The following OR7G1 variants were observed in gnomAD, a reference collection of about 807,000 sequenced individuals.
The protein encoded by OR7G1 is olfactory receptor family 7 subfamily G member 1, also known as olfactory receptor 7G1.
For missense variants in OR7G1, 385 were observed against 365.6 expected, an observed-to-expected ratio of 1.05 and a Z score of -0.43; for synonymous variants, 142 against 138.5, an observed-to-expected ratio of 1.02 and a Z score of -0.18.
In OR7G1 at chr19:9,115,359, G is replaced by A. The variant is rs756099833; in HGVS notation, c.405C>T (p.Leu135=). The stretch of plus-strand genomic sequence containing the variant: ...GCAAGCCCCAGAAATGGACATTCAT[G>A]AGGACTGTGTACCTCAGTGGGTGGC... ...AICHPLRYTV[L]MNVHFWGLLI... Residue 135 remains leucine (L), a synonymous_variant, in exon 1 of 1, where the codon CTC becomes CTT. Transcript: ENST00000541538. 7 of 1,614,084 alleles carry A rather than the reference G, an allele frequency of 4.3e-6. No homozygotes were observed. The highest frequency in any genetic ancestry group is 5.9e-6 in the Non-Finnish European group (7 of 1,180,054).
At position 9,115,260 on chromosome 19, in the gene OR7G1, G is replaced by T; in HGVS notation, c.504C>A (p.Phe168Leu). 1 of 1,614,018 alleles carries T rather than the reference G, an allele frequency of 6.2e-7. No individual in the cohort carries two copies. The highest frequency in any genetic ancestry group is 1.1e-5 in the South Asian group (1 of 91,080). Residue 168 changes from phenylalanine to leucine, a missense_variant, in exon 1 of 1, where the codon TTC becomes TTA. By Grantham distance (22) the Phe-to-Leu change is conservative. Transcript: ENST00000541538. The part of the protein sequence containing the change: ...VQSLMVLQLS[F>L]CKNVEIPLFF... ...ACAAAGGGATTTCAACGTTTTTGCAGAAGGACAGCTGCAATACCATCAGAC... is the reference window on the plus strand; with the variant it reads ...ACAAAGGGATTTCAACGTTTTTGCATAAGGACAGCTGCAATACCATCAGAC...
chr19:9,115,686 G>C lies in OR7G1; in HGVS notation c.78C>G (p.Ile26Met), dbSNP rs761369127. 1.9e-6 allele frequency: 3 copies of C among 1,607,134 alleles called. No homozygotes were observed. Among genetic ancestry groups the C allele is most frequent in the Non-Finnish European group, 2.6e-6 (3 of 1,175,958 alleles). ...KVTEDPELKLIPFSLFLSMYL... is the reference protein window; with the variant it reads ...KVTEDPELKLMPFSLFLSMYL... ...ACATGGACAGGAACAGGCTGAAAGG[G>C]ATTAACTTCAGTTCTGGGTCCTCTG... Residue 26 changes from isoleucine (I) to methionine (M), a missense_variant, in exon 1 of 1, where the codon ATC (isoleucine) becomes ATG (methionine). Ile to Met is a conservative substitution (Grantham distance 10, BLOSUM62 1). Coordinates refer to ENST00000541538, the MANE Select transcript of OR7G1 (RefSeq NM_001005192.2).
chr19:9,115,152 A>G lies in OR7G1; in HGVS notation c.612T>C (p.Ser204=). ...CAGAGAGAGGAATTGCACCAAATAC[A>G]CTACTTGCAAAATATATGAGGATGT... is the stretch of plus-strand genomic sequence containing the variant. ...INNILIYFAS[S]VFGAIPLSGI... Residue 204 remains serine (S), a synonymous_variant, in exon 1 of 1, where the codon AGT becomes AGC. Transcript: ENST00000541538. 1 of 1,614,008 alleles carries G rather than the reference A, an allele frequency of 6.2e-7. No individual in the cohort carries two copies. Among genetic ancestry groups the G allele is most frequent in the Non-Finnish European group, 8.5e-7 (1 of 1,179,884 alleles).
In OR7G1 at chr19:9,115,465, T is replaced by G; in HGVS notation, c.299A>C (p.Gln100Pro). 1 of 1,614,080 alleles carries G rather than the reference T, an allele frequency of 6.2e-7. No individual in the cohort carries two copies. Among genetic ancestry groups the G allele is most frequent in the African/African-American group, 1.3e-5 (1 of 74,954 alleles). Residue 100 changes from glutamine (Q) to proline (P), a missense_variant, in exon 1 of 1, where the codon CAG becomes CCG. Transcript: ENST00000541538. ...AGCAAAAACCAAGACAAGACAGATC[T>G]GGGTGAGGCAGCCTGTGTAAGTGAT... ...QSITYTGCLT[Q>P]ICLVLVFAGL...
Position 9,115,534 on chromosome 19 carries a change from G to T in OR7G1, c.230C>A (p.Thr77Lys). The stretch of plus-strand genomic sequence containing the variant: ...GATGTTCACTAGGATCTTTGGGACT[G>T]TGGTTGTGGTTAAACAGATGTCAGT... ...SFTDICLTTT[T>K]VPKILVNIQA... is the part of the protein sequence containing the mutation. The change falls in exon 1 of 1, where the codon ACA becomes AAA. Residue 77 changes from threonine to lysine, a missense_variant. Thr to Lys is a moderately conservative substitution (Grantham distance 78). Transcript: ENST00000541538. The T allele has an allele frequency of 6.2e-7, 1 of 1,614,048 alleles. No individual in the cohort carries two copies.
Position 9,115,380 on chromosome 19 carries a change from G to T in OR7G1, c.384C>A (p.His128Gln). The T allele has an allele frequency of 6.2e-7, 1 of 1,614,152 alleles. No individual in the cohort carries two copies. The highest frequency in any genetic ancestry group is 1.1e-5 in the South Asian group (1 of 91,076). Residue 128 changes from histidine (H) to glutamine (Q), a missense_variant, in exon 1 of 1, where the codon CAC becomes CAA. Transcript: ENST00000541538. ...MAYDRYVAIC[H>Q]PLRYTVLMNV... ...TCATGAGGACTGTGTACCTCAGTGGGTGGCAAATGGCCACATAGCGGTCGT... is the reference window on the plus strand; with the variant it reads ...TCATGAGGACTGTGTACCTCAGTGGTTGGCAAATGGCCACATAGCGGTCGT...
rs1244004770 is a variant in OR7G1, at chr19:9,115,200, G to A, written c.564C>T (p.Ala188=). The A allele has an allele frequency of 1.2e-6, 2 of 1,614,146 alleles. No individual in the cohort carries two copies. Among genetic ancestry groups the A allele is most frequent in the Non-Finnish European group, 1.7e-6 (2 of 1,180,008 alleles). Reference sequence around the variant, plus strand: ...TGTTGTTGATGAGGGTGTCAGAACAGGCGAGCTTGATGACCTGAACGACTT... The same window carrying A: ...TGTTGTTGATGAGGGTGTCAGAACAAGCGAGCTTGATGACCTGAACGACTT... The part of the protein sequence containing the change: ...FCEVVQVIKL[A]CSDTLINNIL... Residue 188 remains alanine (A), a synonymous_variant, in exon 1 of 1, where the codon GCC becomes GCT. Transcript: ENST00000541538.
In OR7G1 at chr19:9,114,840, C is replaced by A; in HGVS notation, c.924G>T (p.Leu308=). The change falls in exon 1 of 1, where the codon CTG becomes CTT. Residue 308 remains leucine, a synonymous_variant. Coordinates refer to ENST00000541538, the MANE Select transcript of OR7G1 (RefSeq NM_001005192.2). ...AGGACAAAGATCGCTAAAAAGGAAA[C>A]AGCCTACCAATAAGTTTCCTCAAAG... is the stretch of plus-strand genomic sequence containing the variant. The part of the protein sequence containing the change: ...KKALRKLIGR[L]FPF 6.2e-7 allele frequency: 1 copy of A among 1,602,352 alleles called. No individual in the cohort carries two copies. The highest frequency in any genetic ancestry group is 8.5e-7 in the Non-Finnish European group (1 of 1,173,150).
At position 9,114,933 on chromosome 19, in the gene OR7G1, C is replaced by T. The variant is rs780001850; in HGVS notation, c.831G>A (p.Met277Ile). 6.2e-7 allele frequency: 1 copy of T among 1,613,412 alleles called. No homozygotes were observed. Among genetic ancestry groups the T allele is most frequent in the Non-Finnish European group, 8.5e-7 (1 of 1,179,406 alleles). Residue 277 changes from methionine to isoleucine, a missense_variant, in exon 1 of 1, where the codon ATG (methionine) becomes ATA (isoleucine). Physicochemically the swap from Met to Ile is conservative, Grantham distance 10. Transcript: ENST00000541538. ...TCATCATTTGAGGGACCACAGTGTA[C>T]ATCACTGAAGCCACAGCAGTAATTC... ...SSRITAVASV[M>I]YTVVPQMMNP...
rs1346589173 is a variant in OR7G1 at position 9,115,223 on chromosome 19, C to T, written c.541G>A (p.Val181Ile). Residue 181 changes from valine (V) to isoleucine (I), a missense_variant, in exon 1 of 1, where the codon GTC becomes ATC. Transcript: ENST00000541538. ...CAGGCGAGCTTGATGACCTGAACGACTTCACAGAAGAACAAAGGGATTTCA... is the reference window on the plus strand; with the variant it reads ...CAGGCGAGCTTGATGACCTGAACGATTTCACAGAAGAACAAAGGGATTTCA... ...NVEIPLFFCE[V>I]VQVIKLACSD... The T allele has an allele frequency of 6.2e-7, 1 of 1,614,112 alleles. No individual in the cohort carries two copies.
At position 9,115,072 on chromosome 19, in the gene OR7G1, G is replaced by A. The variant is rs756630225; in HGVS notation, c.692C>T (p.Ala231Val). 6.2e-7 allele frequency: 1 copy of A among 1,613,948 alleles called. No individual in the cohort carries two copies. The highest frequency in any genetic ancestry group is 8.5e-7 in the Non-Finnish European group (1 of 1,179,824). ...GGAAAACGCTTTATACTTTCCTCTT[G>A]CTGATGGCATTCTCAGAACAGAGGT... Reference protein sequence around the residue: ...IVTSVLRMPSARGKYKAFSTC... With the variant: ...IVTSVLRMPSVRGKYKAFSTC... Residue 231 changes from alanine (A) to valine (V), a missense_variant, in exon 1 of 1, where the codon GCA becomes GTA. Physicochemically the swap from Ala to Val is moderately conservative, Grantham distance 64. Coordinates refer to ENST00000541538, the MANE Select transcript of OR7G1 (RefSeq NM_001005192.2).
In OR7G1 at chr19:9,115,015, A is replaced by G; in HGVS notation, c.749T>C (p.Leu250Ser). ...TCGCHLSVFS[L>S]FYGTAFGVYI... is the part of the protein sequence containing the mutation. ...CACCCCAAAAGCTGTCCCATAGAACAAGGAAAAAACAGAGAGGTGACAGCC... is the reference window on the plus strand; with the variant it reads ...CACCCCAAAAGCTGTCCCATAGAACGAGGAAAAAACAGAGAGGTGACAGCC... Residue 250 changes from leucine (L) to serine (S), a missense_variant, in exon 1 of 1, where the codon TTG becomes TCG. Physicochemically the swap from Leu to Ser is moderately radical, Grantham distance 145. Transcript: ENST00000541538. 1 of 1,614,144 alleles carries G rather than the reference A, an allele frequency of 6.2e-7. No individual in the cohort carries two copies. The highest frequency in any genetic ancestry group is 8.5e-7 in the Non-Finnish European group (1 of 1,180,012).
In OR7G1 at chr19:9,115,364, C is replaced by T. The variant is rs983045826; in HGVS notation, c.400G>A (p.Val134Ile). 3 of 1,614,030 alleles carry T rather than the reference C, an allele frequency of 1.9e-6. No individual in the cohort carries two copies. Among genetic ancestry groups the T allele is most frequent in the East Asian group, 2.2e-5 (1 of 44,896 alleles). Residue 134 changes from valine (V) to isoleucine (I), a missense_variant, in exon 1 of 1, where the codon GTC (valine) becomes ATC (isoleucine). By Grantham distance (29) the Val-to-Ile change is conservative. Transcript: ENST00000541538. ...CCCCAGAAATGGACATTCATGAGGA[C>T]TGTGTACCTCAGTGGGTGGCAAATG... ...VAICHPLRYTVLMNVHFWGLL... is the reference protein window; with the variant it reads ...VAICHPLRYTILMNVHFWGLL...
In OR7G1 at chr19:9,115,007, C is replaced by T; in HGVS notation, c.757G>A (p.Gly253Arg). The T allele has an allele frequency of 6.2e-7, 1 of 1,614,098 alleles. No homozygotes were observed. The highest frequency in any genetic ancestry group is 8.5e-7 in the Non-Finnish European group (1 of 1,180,024). Reference sequence around the variant, plus strand: ...CTAATGTACACCCCAAAAGCTGTCCCATAGAACAAGGAAAAAACAGAGAGG... The same window carrying T: ...CTAATGTACACCCCAAAAGCTGTCCTATAGAACAAGGAAAAAACAGAGAGG... ...CHLSVFSLFYGTAFGVYISSA... is the reference protein window; with the variant it reads ...CHLSVFSLFYRTAFGVYISSA... Residue 253 changes from glycine (G) to arginine (R), a missense_variant, in exon 1 of 1, where the codon GGG becomes AGG. Physicochemically the swap from Gly to Arg is moderately radical, Grantham distance 125 (BLOSUM62 -2). Coordinates refer to ENST00000541538, the MANE Select transcript of OR7G1 (RefSeq NM_001005192.2).
In OR7G1 at chr19:9,115,748, G is replaced by A. The variant is rs753956107; in HGVS notation, c.16C>T (p.Gln6Ter). 1.3e-6 allele frequency: 2 copies of A among 1,531,794 alleles called. No homozygotes were observed. The allele number at this position is 1,531,794 out of a possible 1,614,324, so 94.9% of individuals were successfully genotyped here. A position where few individuals can be genotyped will look rare whatever the true frequency, so the allele number is the denominator to read the frequency against. ...AGAAGAAATTCTGAAACAGCTGTTT[G>A]GTTTCTGGGTCCCATGTTTTTGATG... is the stretch of plus-strand genomic sequence containing the variant. The part of the protein sequence containing the change: MGPRN[Q>*]TAVSEFLLMK... The change falls in exon 1 of 1, where the codon CAA becomes TAA. Residue 6 changes from glutamine (Q) to a stop codon, truncating the protein, a stop_gained. Coordinates refer to ENST00000541538, the MANE Select transcript of OR7G1 (RefSeq NM_001005192.2). LOFTEE classifies it low-confidence loss of function (END_TRUNC).
Position 9,115,555 on chromosome 19 carries a change from T to C in OR7G1, c.209A>G (p.Asp70Gly). ...GACTGTGGTTGTGGTTAAACAGATG[T>C]CAGTAAAGGAGAGATTAAAGAGAAG... is the stretch of plus-strand genomic sequence containing the variant. ...YFLLFNLSFTDICLTTTTVPK... is the reference protein window; with the variant it reads ...YFLLFNLSFTGICLTTTTVPK... The change falls in exon 1 of 1, where the codon GAC (aspartate) becomes GGC (glycine). Residue 70 changes from aspartate (D) to glycine (G), a missense_variant. Coordinates refer to ENST00000541538, the MANE Select transcript of OR7G1 (RefSeq NM_001005192.2). The C allele has an allele frequency of 1.2e-5, 19 of 1,614,006 alleles. No homozygotes were observed. The highest frequency in any genetic ancestry group is 1.5e-5 in the Non-Finnish European group (18 of 1,179,970).
In OR7G1 at chr19:9,114,835, G is replaced by T; in HGVS notation, c.929C>A (p.Pro310His). 4 of 1,598,094 alleles carry T rather than the reference G, an allele frequency of 2.5e-6. No homozygotes were observed. The highest frequency in any genetic ancestry group is 2.2e-5 in the South Asian group (2 of 89,438). Residue 310 changes from proline (P) to histidine (H), a missense_variant, in exon 1 of 1, where the codon CCT becomes CAT. Pro to His is a moderately conservative substitution (Grantham distance 77). Transcript: ENST00000541538. ...AGCAGAGGACAAAGATCGCTAAAAA[G>T]GAAACAGCCTACCAATAAGTTTCCT... ...ALRKLIGRLF[P>H]F
Position 9,115,233 on chromosome 19 carries a change from G to T in OR7G1, c.531C>A (p.Phe177Leu), listed in dbSNP as rs746556581. Residue 177 changes from phenylalanine (F) to leucine (L), a missense_variant, in exon 1 of 1, where the codon TTC becomes TTA. Phe to Leu is a conservative substitution (Grantham distance 22). Transcript: ENST00000541538. ...SFCKNVEIPL[F>L]FCEVVQVIKL... The stretch of plus-strand genomic sequence containing the variant: ...TGATGACCTGAACGACTTCACAGAA[G>T]AACAAAGGGATTTCAACGTTTTTGC... The T allele has an allele frequency of 3.1e-6, 5 of 1,614,118 alleles. No individual in the cohort carries two copies. The East Asian group carries it at 8.9e-5, about 29-fold the overall frequency.
chr19:9,114,873 C>T lies in OR7G1; in HGVS notation c.891G>A (p.Met297Ile), dbSNP rs774417529. 1.9e-6 allele frequency: 3 copies of T among 1,613,200 alleles called. No individual in the cohort carries two copies. The highest frequency in any genetic ancestry group is 2.5e-6 in the Non-Finnish European group (3 of 1,179,752). ...CAATAAGTTTCCTCAAAGCTTTCTT[C>T]ATCTCCTTATTTCTCAGGCTGTAGA... Reference protein sequence around the residue: ...PFIYSLRNKEMKKALRKLIGR... With the variant: ...PFIYSLRNKEIKKALRKLIGR... The change falls in exon 1 of 1, where the codon ATG (methionine) becomes ATA (isoleucine). Residue 297 changes from methionine to isoleucine, a missense_variant. Transcript: ENST00000541538.
Sources: allele counts gnomAD v4.1 joint callset, GRCh38; gene constraint gnomAD v4.1.1; transcripts MANE v1.5; gene names NCBI Gene and HGNC (gene_info 2026-07-23, HGNC 2026-07-21).